Variants in NREP observed in about 807,000 individuals in gnomAD.
NREP encodes the protein neuronal regeneration-related protein.
In NREP, 5 loss-of-function variants were observed where a neutral mutation model predicts 8.6. That is an observed-to-expected ratio of 0.58 (90% confidence interval 0.30 to 1.22). The LOEUF (loss-of-function observed/expected upper bound fraction) is 1.22. NREP is among the 50% of genes most tolerant of loss of function. The pLI is 0.07. For missense variants in NREP, 86 were observed against 82.5 expected (o/e 1.04, Z -0.17); for synonymous variants, 27 against 28.0 (o/e 0.96, Z 0.11).
chr5:111,847,114 T>C (rs1753195780), intron 2 of NREP, among the ~76,000 whole-genome samples: 1 of 122,340 alleles, frequency 8.2e-6, no homozygotes, highest in Non-Finnish European at 1.6e-5. Context: ...ATGACACACT[T>C]TTTTTTTTTT....
chr5:111,963,873 T>G (rs1756553295), intron 2 of NREP, among the ~76,000 whole-genome samples: 1 of 152,218 alleles, frequency 6.6e-6, no homozygotes. Flanking sequence ...CACTTCTTTT[T>G]CTACCACTCA....
upstream of NREP, among the ~76,000 whole-genome samples, chr5:111,759,028 T>C (rs1289671624): frequency 1.3e-5 from 2 of 152,122 alleles, no homozygotes; most frequent in East Asian, 1.9e-4. Flanking sequence ...AGGGAAGAAA[T>C]ATAAAACTCA....
chr5:111,742,911 C>T (rs1749771316), intron 2 of NREP, among the ~76,000 whole-genome samples: 1 of 152,112 alleles, frequency 6.6e-6, no homozygotes, highest in South Asian at 2.1e-4. Context: ...TGCCAAGGCA[C>T]CCTCCCTTGG....
At chr5:111,937,809 G>A (rs1040313718) in intron 2 of NREP, among the ~76,000 whole-genome samples, 6 of 151,962 alleles carry the variant, frequency 3.9e-5, no homozygotes, top group Admixed American at 2.6e-4. Context: ...GTGGGCAGCA[G>A]CCTGTCACCC....
intron 2 of NREP, among the ~76,000 whole-genome samples, chr5:111,873,813 T>C (rs1308010298): frequency 6.6e-6 from 1 of 152,094 alleles, no homozygotes; most frequent in Admixed American, 6.6e-5. Context: ...ATATCTTTGG[T>C]GGGGGGCATT....
intron 2 of NREP, among the ~76,000 whole-genome samples, chr5:111,909,993 G>A (rs1377202392): frequency 6.6e-6 from 1 of 152,072 alleles, no homozygotes; most frequent in Non-Finnish European, 1.5e-5. Context: ...TTCTTTTCAT[G>A]TAAAAGACTG....
rs1751367145 is a variant in NREP at position 111,776,610 on chromosome 5, A to G, written c.136-41103T>C. Among the ~76,000 whole-genome samples the G allele has an allele frequency of 2.0e-5, 3 of 152,208 alleles. No homozygotes were observed. The South Asian group carries it at 6.2e-4, about 32-fold the overall frequency. ...TGAATAAATAGTCGTCGATTCATAC[A>G]ATGGAATAATAGACAACAACAAAAA... On this transcript the variant is annotated intron_variant, in intron 2 of 3. Transcript: ENST00000395634.
intron 2 of NREP, among the ~76,000 whole-genome samples, chr5:111,862,069 G>A (rs1015219771): frequency 6.6e-6 from 1 of 152,082 alleles, no homozygotes; most frequent in Non-Finnish European, 1.5e-5. Context: ...GATTTATTAA[G>A]TCACATCATA....
intron 2 of NREP, among the ~76,000 whole-genome samples, chr5:111,839,979 G>A (rs938137214): frequency 2.0e-5 from 3 of 152,022 alleles, no homozygotes; most frequent in African/African-American, 7.2e-5. Flanking sequence ...CATCCAAATT[G>A]CTAACAACAT....
chr5:111,865,721 G>C (rs1753649212), intron 2 of NREP, among the ~76,000 whole-genome samples: 1 of 152,014 alleles, frequency 6.6e-6, no homozygotes, highest in Non-Finnish European at 1.5e-5. Flanking sequence ...AGTTGATATG[G>C]GTAAAGCTGA....
At chr5:111,772,481 G>T (rs1365523685) in intron 2 of NREP, among the ~76,000 whole-genome samples, 1 of 152,042 alleles carries the variant, frequency 6.6e-6, no homozygotes, top group Non-Finnish European at 1.5e-5. Flanking sequence ...AAATATTCCA[G>T]TTTCCGAAAG....
At chr5:111,900,481 T>A (rs10075532) in intron 2 of NREP, among the ~76,000 whole-genome samples, 2 of 151,682 alleles carry the variant, frequency 1.3e-5, no homozygotes, top group African/African-American at 4.8e-5. Context: ...AATGAAAAGT[T>A]TTTTTTTAAA....
At chr5:111,754,415 G>T (rs1233971649) in intron 2 of NREP, among the ~76,000 whole-genome samples, 5 of 152,152 alleles carry the variant, frequency 3.3e-5, no homozygotes, top group African/African-American at 1.2e-4. Context: ...AAACCTCTGT[G>T]ATCTATTTAT....
intron 2 of NREP, among the ~76,000 whole-genome samples, chr5:111,972,885 T>A (rs1412311703): frequency 6.6e-6 from 1 of 152,204 alleles, no homozygotes; most frequent in Non-Finnish European, 1.5e-5. Flanking sequence ...CTTCAGGGGC[T>A]CCTCTGCTCA....
At chr5:111,872,337 G>A (rs767473477) in intron 2 of NREP, among the ~76,000 whole-genome samples, 1 of 152,128 alleles carries the variant, frequency 6.6e-6, no homozygotes, top group South Asian at 2.1e-4. Flanking sequence ...TCAGCTGATT[G>A]GGTGAGGCCT....
chr5:111,905,409 A>G (rs1443079673), intron 2 of NREP, among the ~76,000 whole-genome samples: 1 of 152,158 alleles, frequency 6.6e-6, no homozygotes, highest in Non-Finnish European at 1.5e-5. Flanking sequence ...TTAAATAAGT[A>G]TTGATTTTTA....
At chr5:111,866,135 G>C (rs550351077) in intron 2 of NREP, among the ~76,000 whole-genome samples, 63 of 152,208 alleles carry the variant, frequency 4.1e-4, no homozygotes, top group African/African-American at 1.4e-3. Flanking sequence ...GGCAACAAAA[G>C]CCAAAATGGA....
intron 2 of NREP, among the ~76,000 whole-genome samples, chr5:111,886,939 T>C (rs976558725): frequency 6.6e-6 from 1 of 151,830 alleles, no homozygotes; most frequent in Non-Finnish European, 1.5e-5. Flanking sequence ...AAACTGCACA[T>C]TGTGCACATG....
chr5:111,922,956 C>T (rs148339175), intron 2 of NREP, among the ~76,000 whole-genome samples: 1 of 152,190 alleles, frequency 6.6e-6, no homozygotes. Flanking sequence ...TTATTTCCCT[C>T]AGCTATTTCA....
Sources: allele counts gnomAD v4.1 joint callset (sites outside exome capture counted in the v4.1 genomes callset), GRCh38; gene constraint gnomAD v4.1.1; transcripts MANE v1.5; gene names NCBI Gene and HGNC (gene_info 2026-07-23, HGNC 2026-07-21).